The following PROSER2 variants were observed in gnomAD, a reference collection of about 807,000 sequenced individuals.
PROSER2 encodes the protein proline and serine rich 2.
In PROSER2, 18 loss-of-function variants were observed where a neutral mutation model predicts 14.6. That is an observed-to-expected ratio of 1.23 (90% confidence interval 0.85 to 1.83). The LOEUF (loss-of-function observed/expected upper bound fraction) is 1.83, where lower values mean the gene tolerates loss of function less well. Among genes scored for constraint, PROSER2 ranks in the 40% most tolerant of loss-of-function variants. The pLI, the probability that PROSER2 is intolerant of heterozygous loss-of-function variation, is 0.00. For missense variants in PROSER2, 823 were observed against 629.8 expected (o/e 1.31, Z -3.28); for synonymous variants, 367 against 286.4 (o/e 1.28, Z -2.84).
chr10:11,852,017 A>G lies in PROSER2; in HGVS notation c.-61A>G. 2 of 1,521,612 alleles carry G rather than the reference A, an allele frequency of 1.3e-6. No individual in the cohort carries two copies. The highest frequency in any genetic ancestry group is 4.7e-5 in the East Asian group (2 of 42,802). The allele number at this position is 1,521,612 out of a possible 1,614,324, so 94.3% of individuals were successfully genotyped here. The stretch of plus-strand genomic sequence containing the variant: ...TCTAGGAGTGAGCTGTTGCCGCAGA[A>G]TGGGCTGCTGGCTCCTGCCCTGCTT... On this transcript the variant is annotated 5_prime_UTR_variant, in exon 2 of 4. An upstream start codon of the reference 5' UTR is lost. Transcript: ENST00000277570.
chr10:11,858,901 C>T (rs1834176403), intron 2 of PROSER2, among the ~76,000 whole-genome samples: 1 of 149,436 alleles, frequency 6.7e-6, no homozygotes, highest in Admixed American at 6.8e-5. Context: ...CCCAGCTACT[C>T]AGGAAGCTGA....
chr10:11,844,181 A>G (rs1833892512), intron 1 of PROSER2, among the ~76,000 whole-genome samples: 1 of 152,044 alleles, frequency 6.6e-6, no homozygotes, highest in Non-Finnish European at 1.5e-5. Flanking sequence ...TTATAGAGAT[A>G]AGGTCTCACT....
At position 11,830,454 on chromosome 10, in the gene PROSER2, G is replaced by GT. The variant is rs1375454919; in HGVS notation, c.-82+6985dup. ...GTCGATGGACGCCTAGATTGATTCT[G>GT]TGACGGTTACTGTGAACAGCGCCGC... On this transcript the variant is annotated intron_variant, in intron 1 of 3. Transcript: ENST00000277570. This position sits in a 1 kb window ranked among gnomAD's most constrained non-coding sequence, Gnocchi z 4.5. Among the ~76,000 whole-genome samples, 1 of 152,164 alleles carries GT rather than the reference G, an allele frequency of 6.6e-6. No homozygotes were observed. The highest frequency in any genetic ancestry group is 1.9e-4 in the East Asian group (1 of 5,198).
rs1564306410 is a variant in PROSER2 at position 11,847,159 on chromosome 10, ATATAT to A, written c.-81-4837_-81-4833del. Among the ~76,000 whole-genome samples, 106 of 145,936 alleles carry A rather than the reference ATATAT, an allele frequency of 7.3e-4. No individual in the cohort carries two copies. In the South Asian group the frequency reaches 0.011, roughly 15 times the overall value. ...AAAAAAGAAAAACATAAATAAATAT[ATATAT>A]ATATATATATATATATATATGAATC... On this transcript the variant is annotated intron_variant, in intron 1 of 3. Transcript: ENST00000277570.
intron 3 of PROSER2, among the ~76,000 whole-genome samples, chr10:11,867,522 G>GC (rs143557197): frequency 0.087 from 13,287 of 152,134 alleles, 642 homozygotes; most frequent in Middle Eastern, 0.13. Flanking sequence ...TGGTCCAGAG[G>GC]CTGAGGCACA....
At chr10:11,845,206 G>A (rs1325161373) in intron 1 of PROSER2, among the ~76,000 whole-genome samples, 2 of 152,114 alleles carry the variant, frequency 1.3e-5, no homozygotes, top group African/African-American at 2.4e-5. Flanking sequence ...TGCTAGGTGC[G>A]TGGGAATATA....
intron 1 of PROSER2, among the ~76,000 whole-genome samples, chr10:11,842,111 A>T (rs1220668229): frequency 6.6e-6 from 1 of 151,996 alleles, no homozygotes; most frequent in African/African-American, 2.4e-5. Context: ...GGTCCCAGCT[A>T]CTTGAGAGGC....
chr10:11,848,871 T>C (rs1229495017), intron 1 of PROSER2, among the ~76,000 whole-genome samples: 1 of 152,026 alleles, frequency 6.6e-6, no homozygotes. Context: ...TGGGAGTGGG[T>C]GATGTTGAAG....
rs5783233 is a variant in PROSER2 at position 11,833,235 on chromosome 10, C to CTTTTTTTTTTTTTTTTTT, written c.-82+9769_-82+9786dup. On this transcript the variant is annotated intron_variant, in intron 1 of 3. Transcript: ENST00000277570. ...ACAAGTATTATACAAAATGTTGTGG[C>CTTTTTTTTTTTTTTTTTT]TTTTTTTTTTTTTTTTTTTTTAGTT... 6.8e-5 allele frequency among the ~76,000 whole-genome samples: 6 copies of CTTTTTTTTTTTTTTTTTT among 87,668 alleles called. 1 individual carries two copies. Among genetic ancestry groups the CTTTTTTTTTTTTTTTTTT allele is most frequent in the African/African-American group, 9.6e-5 (2 of 20,932 alleles). 57.5% of individuals were successfully genotyped at this position (87,668 alleles called of 152,430 possible).
chr10:11,843,318 A>C (rs28848330), intron 1 of PROSER2, among the ~76,000 whole-genome samples: 1 of 150,836 alleles, frequency 6.6e-6, no homozygotes, highest in African/African-American at 2.4e-5. Context: ...TTTGGGAGGC[A>C]GAGGCAGGCG....
At chr10:11,855,160 T>TC (rs1834099994) in intron 2 of PROSER2, among the ~76,000 whole-genome samples, 1 of 151,436 alleles carries the variant, frequency 6.6e-6, no homozygotes, top group Non-Finnish European at 1.5e-5. Context: ...TTTTTTTTTT[T>TC]TTAAGCAAAC....
chr10:11,839,702 G>C (rs1439363002), intron 1 of PROSER2, among the ~76,000 whole-genome samples: 1 of 151,500 alleles, frequency 6.6e-6, no homozygotes, highest in Non-Finnish European at 1.5e-5. Context: ...GGGGGCACCT[G>C]TAATCCCAGC....
intron 2 of PROSER2, among the ~76,000 whole-genome samples, chr10:11,854,915 A>G (rs1344129377): frequency 1.3e-5 from 2 of 150,928 alleles, no homozygotes; most frequent in South Asian, 4.2e-4. Flanking sequence ...TTTTTTTTTT[A>G]ATGTGACTTT....
rs1355343914 is a variant in PROSER2 at position 11,855,153 on chromosome 10, T to G, written c.138+2938T>G. On this transcript the variant is annotated intron_variant, in intron 2 of 3. Coordinates refer to ENST00000277570, the MANE Select transcript of PROSER2 (RefSeq NM_153256.4). ...TCATTTATAGAGGTTTTTTGTTTTT[T>G]TTTTTTTTTAAGCAAACGTTATTCT... Among the ~76,000 whole-genome samples, 8 of 151,368 alleles carry G rather than the reference T, an allele frequency of 5.3e-5. No homozygotes were observed. The East Asian group carries it at 7.7e-4, about 15-fold the overall frequency.
rs548564157 is a variant in PROSER2, at chr10:11,834,088, G to A, written c.-82+10618G>A. ...CAGCTCACTGCAACCTCTGCTTCTCGGGTTCAAGCGATTCTCCTGCTTCAG... is the reference window on the plus strand; with the variant it reads ...CAGCTCACTGCAACCTCTGCTTCTCAGGTTCAAGCGATTCTCCTGCTTCAG... On this transcript the variant is annotated intron_variant, in intron 1 of 3. Transcript: ENST00000277570. Among the ~76,000 whole-genome samples, 7 of 146,852 alleles carry A rather than the reference G, an allele frequency of 4.8e-5. No individual in the cohort carries two copies. In the South Asian group the frequency reaches 8.7e-4, roughly 18 times the overall value.
In PROSER2 at chr10:11,836,729, C is replaced by A. The variant is rs1017455403; in HGVS notation, c.-82+13259C>A. On this transcript the variant is annotated intron_variant, in intron 1 of 3. Transcript: ENST00000277570. The surrounding 1 kb of genome is among the most constrained non-coding windows in gnomAD (Gnocchi z 4.6). ...CATTTCTACCTCTTTCCCAGCTCAA[C>A]TGTGCTTGTCTTGACTGTATCTTAA... is the stretch of plus-strand genomic sequence containing the variant. Among the ~76,000 whole-genome samples, 6 of 152,136 alleles carry A rather than the reference C, an allele frequency of 3.9e-5. No individual in the cohort carries two copies. Among genetic ancestry groups the A allele is most frequent in the Non-Finnish European group, 5.9e-5 (4 of 68,020 alleles).
intron 1 of PROSER2, among the ~76,000 whole-genome samples, chr10:11,827,769 C>G (rs1833636138): frequency 6.6e-6 from 1 of 151,762 alleles, no homozygotes; most frequent in South Asian, 2.1e-4. Context: ...GCCTCGACCT[C>G]CCAGGCTCAG....
chr10:11,852,938 T>C (rs1286308486), intron 2 of PROSER2, among the ~76,000 whole-genome samples: 1 of 152,172 alleles, frequency 6.6e-6, no homozygotes, highest in Non-Finnish European at 1.5e-5. Context: ...GACCTTTGCA[T>C]AGCTTTGGGA....
chr10:11,853,314 A>T (rs939193380), intron 2 of PROSER2, among the ~76,000 whole-genome samples: 10 of 152,054 alleles, frequency 6.6e-5, no homozygotes, highest in African/African-American at 2.4e-4. Flanking sequence ...TTGGCCGGGC[A>T]CAGTGGCTCA....
Sources: gnomAD v4.1 joint callset for allele counts (sites outside exome capture counted in the v4.1 genomes callset) on GRCh38, gnomAD v4.1.1 for gene constraint, Gnocchi (gnomAD v3.1) non-coding constraint, MANE v1.5 for transcripts, NCBI Gene and HGNC (gene_info 2026-07-23, HGNC 2026-07-21) for gene names.